EIPR1: variants seen among roughly 807,000 people sequenced by gnomAD.
EIPR1 encodes the protein EARP complex and GARP complex interacting protein 1, also known as EARP and GARP complex-interacting protein 1.
Under a neutral mutation model 48.1 loss-of-function variants are expected in EIPR1, and 25 were observed. That is an observed-to-expected ratio of 0.52 (90% CI 0.38 to 0.73). The LOEUF (loss-of-function observed/expected upper bound fraction) is 0.73, where lower values mean the gene tolerates loss of function less well. EIPR1 is among the 30% of genes least tolerant of loss of function. The pLI, the probability that EIPR1 is intolerant of heterozygous loss-of-function variation, is 0.00. For synonymous variants in EIPR1, 204 were observed against 201.9 expected (o/e 1.01, Z -0.09); for missense variants, 415 against 506.2 (o/e 0.82, Z 1.73).
rs1558216901 is a variant in EIPR1, at chr2:3,199,071, C to CA, written c.517-2055_517-2054insT. Among the ~76,000 whole-genome samples, 3 of 50,472 alleles carry CA rather than the reference C, an allele frequency of 5.9e-5. No individual in the cohort carries two copies. In the East Asian group the frequency reaches 9.0e-4, roughly 15 times the overall value. 33.1% of individuals were successfully genotyped at this position (50,472 alleles called of 152,430 possible). A position where few individuals can be genotyped will look rare whatever the true frequency, so the allele number is the denominator to read the frequency against. Reference sequence around the variant, plus strand: ...TGGCCATTTTAGAGGGCCCCCCCCCCGCCCCGGGAATGCATTCTTTTCCCG... The same window carrying CA: ...TGGCCATTTTAGAGGGCCCCCCCCCCAGCCCCGGGAATGCATTCTTTTCCCG... On this transcript the variant is annotated intron_variant, in intron 5 of 8. Transcript: ENST00000382125.
At chr2:3,348,820 C>T (rs1271389030) in intron 2 of EIPR1, among the ~76,000 whole-genome samples, 1 of 152,238 alleles carries the variant, frequency 6.6e-6, no homozygotes, top group Non-Finnish European at 1.5e-5. Flanking sequence ...GCTGGAGCTC[C>T]AGAGTGAGGG....
chr2:3,200,154 C>G (rs1296289040), intron 5 of EIPR1, among the ~76,000 whole-genome samples: 1 of 152,094 alleles, frequency 6.6e-6, no homozygotes, highest in Non-Finnish European at 1.5e-5. Flanking sequence ...GGGGCACCAG[C>G]AGGCTGGGTG....
intron 4 of EIPR1, among the ~76,000 whole-genome samples, chr2:3,244,009 C>T (rs568959993): frequency 2.0e-4 from 31 of 152,348 alleles, no homozygotes; most frequent in Admixed American, 5.2e-4. Flanking sequence ...TGTCCTCTCT[C>T]GGGTTCACAT....
At chr2:3,317,417 G>A (rs542120443) in intron 3 of EIPR1, among the ~76,000 whole-genome samples, 1 of 151,960 alleles carries the variant, frequency 6.6e-6, no homozygotes, top group East Asian at 1.9e-4. Context: ...CGCACGCAGG[G>A]TGGAGCACGG....
At chr2:3,305,701 T>A (rs552730779) in intron 3 of EIPR1, among the ~76,000 whole-genome samples, 2 of 152,268 alleles carry the variant, frequency 1.3e-5, no homozygotes, top group Admixed American at 1.3e-4. Flanking sequence ...AGAAAGGCCC[T>A]CACCATTGAC....
At chr2:3,195,299 G>A (rs1320988867) in intron 6 of EIPR1, among the ~76,000 whole-genome samples, 1 of 152,208 alleles carries the variant, frequency 6.6e-6, no homozygotes, top group African/African-American at 2.4e-5. Flanking sequence ...GGGCGGGACT[G>A]AAATCACTCC....
intron 3 of EIPR1, among the ~76,000 whole-genome samples, chr2:3,320,997 T>C (rs1161280156): frequency 6.6e-6 from 1 of 152,170 alleles, no homozygotes; most frequent in Non-Finnish European, 1.5e-5. Context: ...TTACTTGAGA[T>C]GGTGTGAAAA....
intron 5 of EIPR1, among the ~76,000 whole-genome samples, chr2:3,204,879 C>T (rs1277600607): frequency 5.9e-5 from 9 of 152,064 alleles, no homozygotes; most frequent in African/African-American, 1.9e-4. Flanking sequence ...GACCCTACTA[C>T]GTGTAGGCCG....
At chr2:3,231,050 A>G (rs931286407) in intron 4 of EIPR1, among the ~76,000 whole-genome samples, 25 of 152,192 alleles carry the variant, frequency 1.6e-4, no homozygotes, top group Non-Finnish European at 1.0e-4. Flanking sequence ...TTTTCTGTGT[A>G]CAGATCTTTC....
At chr2:3,355,846 A>AAAATAAAATAAAATG (rs765994269) in intron 1 of EIPR1, among the ~76,000 whole-genome samples, 1 of 124,422 alleles carries the variant, frequency 8.0e-6, no homozygotes, top group Non-Finnish European at 1.9e-5. Flanking sequence ...TAAAATGAAT[A>AAAATAAAATAAAATG]AATAATTAAA....
chr2:3,195,510 A>C (rs1215709457), intron 6 of EIPR1, among the ~76,000 whole-genome samples: 1 of 152,208 alleles, frequency 6.6e-6, no homozygotes, highest in African/African-American at 2.4e-5. Flanking sequence ...TCTGGTTTTT[A>C]TATCCTGCAC....
At chr2:3,209,060 G>A (rs1399791390) in intron 5 of EIPR1, 1 of 1,435,180 alleles carries the variant, frequency 7.0e-7, no homozygotes, top group Admixed American at 2.8e-5. Flanking sequence ...ACGCCTGCTG[G>A]TGGGAAGGCA....
intron 1 of EIPR1, among the ~76,000 whole-genome samples, chr2:3,362,375 G>A (rs190650947): frequency 1.3e-5 from 2 of 150,600 alleles, no homozygotes; most frequent in African/African-American, 4.9e-5. Context: ...CTTTTCCAGC[G>A]CTCTCCATCC....
At chr2:3,310,157 T>G (rs1015338488) in intron 3 of EIPR1, among the ~76,000 whole-genome samples, 10 of 152,212 alleles carry the variant, frequency 6.6e-5, no homozygotes, top group African/African-American at 1.2e-4. Context: ...TAGGAGTGCA[T>G]GCTTGGTTCA....
At chr2:3,193,180 G>A (rs1295661726) in intron 7 of EIPR1, among the ~76,000 whole-genome samples, 1 of 152,236 alleles carries the variant, frequency 6.6e-6, no homozygotes, top group Non-Finnish European at 1.5e-5. Context: ...ATGGCCAGGG[G>A]CACAGGGAGG....
At chr2:3,200,942 G>C (rs1665011284) in intron 5 of EIPR1, among the ~76,000 whole-genome samples, 1 of 152,164 alleles carries the variant, frequency 6.6e-6, no homozygotes, top group East Asian at 1.9e-4. Context: ...GCAGGGCCTG[G>C]GCACTCCGCA....
intron 3 of EIPR1, among the ~76,000 whole-genome samples, chr2:3,293,565 G>A (rs1558278706): frequency 6.6e-6 from 1 of 152,196 alleles, no homozygotes; most frequent in Non-Finnish European, 1.5e-5. Flanking sequence ...AGCCACGACT[G>A]GACCAGTCCC....
chr2:3,224,458 C>G (rs1178790874), intron 4 of EIPR1, among the ~76,000 whole-genome samples: 1 of 152,204 alleles, frequency 6.6e-6, no homozygotes, highest in African/African-American at 2.4e-5. Context: ...ATCCAACCAG[C>G]CCTGATTGCC....
chr2:3,197,467 G>A (rs1028968082), intron 5 of EIPR1, among the ~76,000 whole-genome samples: 4 of 152,126 alleles, frequency 2.6e-5, no homozygotes, highest in African/African-American at 9.7e-5. Context: ...CCTCCGTCTC[G>A]AGGCCCACAC....
Sources: gnomAD v4.1 joint callset for allele counts (sites outside exome capture counted in the v4.1 genomes callset) on GRCh38, gnomAD v4.1.1 for gene constraint, MANE v1.5 for transcripts, NCBI Gene and HGNC (gene_info 2026-07-23, HGNC 2026-07-21) for gene names.